LGR4: variants seen among roughly 807,000 people sequenced by gnomAD.
LGR4 encodes leucine-rich repeat-containing G protein-coupled receptor 4.
Under a neutral mutation model 84.8 loss-of-function variants are expected in LGR4, and 44 were observed. That is an observed-to-expected ratio of 0.52 (90% CI 0.41 to 0.67). The LOEUF (loss-of-function observed/expected upper bound fraction) is 0.67. LGR4 is among the 30% of genes least tolerant of loss of function. LGR4 has a pLI of 0.00. For synonymous variants in LGR4, 429 were observed against 434.3 expected, an observed-to-expected ratio of 0.99 and a Z score of 0.15; for missense variants, 1,032 against 1,131.4, an observed-to-expected ratio of 0.91 and a Z score of 1.26.
Position 27,375,297 on chromosome 11 carries a change from C to CAAA in LGR4, c.1181+999_1181+1001dup, listed in dbSNP as rs5790647. ...GCGACAAGAGTGAGAGACCCTGTCTCAAAAAAAAAAAAAAAAGAAAAAGAA... is the reference window on the plus strand; with the variant it reads ...GCGACAAGAGTGAGAGACCCTGTCTCAAAAAAAAAAAAAAAAAAAGAAAAAGAA... On this transcript the variant is annotated intron_variant, in intron 13 of 17. Coordinates refer to ENST00000379214, the MANE Select transcript of LGR4 (RefSeq NM_018490.5). Among the ~76,000 whole-genome samples, 7 of 118,112 alleles carry CAAA rather than the reference C, an allele frequency of 5.9e-5. No homozygotes were observed. The East Asian group carries it at 1.0e-3, about 17-fold the overall frequency. The allele number at this position is 118,112 out of a possible 152,430, so 77.5% of individuals were successfully genotyped here.
intron 7 of LGR4, among the ~76,000 whole-genome samples, 176 bp from the exon 8 acceptor site, chr11:27,381,142 C>T (rs926822793): frequency 7.9e-5 from 12 of 152,016 alleles, no homozygotes; most frequent in African/African-American, 2.7e-4. Context: ...CAGTATCATA[C>T]CTAATTCTTT....
Position 27,472,138 on chromosome 11 carries a change from G to GAGCC in LGR4, c.161_164dup (p.Ser56AlafsTer24). The stretch of plus-strand genomic sequence containing the variant: ...CTCACAGCGCTTGGGTGAAGGCGCT[G>GAGCC]AGCCCCTCGGGCACGGCCGTCAGCC... On this transcript the variant is annotated frameshift_variant, in exon 1 of 18. Transcript: ENST00000379214. LOFTEE classifies it high-confidence loss of function. 1 of 1,375,640 alleles carries GAGCC rather than the reference G, an allele frequency of 7.3e-7. No homozygotes were observed. Among genetic ancestry groups the GAGCC allele is most frequent in the Non-Finnish European group, 9.4e-7 (1 of 1,063,342 alleles). 85.2% of individuals were successfully genotyped at this position (1,375,640 alleles called of 1,614,324 possible). A position where few individuals can be genotyped will look rare whatever the true frequency, so the allele number is the denominator to read the frequency against.
intron 12 of LGR4, 76 bp from the exon 13 acceptor site, chr11:27,376,446 G>C: frequency 1.5e-6 from 1 of 683,564 alleles, no homozygotes; most frequent in Non-Finnish European, 2.4e-6. Flanking sequence ...AAAGAGAAAG[G>C]GATAGAGAAA....
chr11:27,410,442 C>T (rs919146153), intron 2 of LGR4, among the ~76,000 whole-genome samples: 15 of 152,046 alleles, frequency 9.9e-5, no homozygotes, highest in African/African-American at 2.7e-4. Flanking sequence ...TGGAAAAACC[C>T]TCAGCAAATA....
At chr11:27,441,792 A>C (rs1352473731) in intron 1 of LGR4, among the ~76,000 whole-genome samples, 2 of 152,188 alleles carry the variant, frequency 1.3e-5, no homozygotes, top group Non-Finnish European at 2.9e-5. Context: ...GAGAGGCAAA[A>C]GTGTCAAAAG....
rs377336586 is a variant in LGR4 at position 27,418,060 on chromosome 11, T to C, written c.186-5200A>G. Among the ~76,000 whole-genome samples the C allele has an allele frequency of 5.3e-5, 8 of 152,318 alleles. No homozygotes were observed. In the South Asian group the frequency reaches 1.5e-3, roughly 28 times the overall value. ...CCATTGAACAAATATTTACAAAATA[T>C]CCATTATGCACATATGTGCAAGGTA... is the stretch of plus-strand genomic sequence containing the variant. On this transcript the variant is annotated intron_variant, in intron 1 of 17. Coordinates refer to ENST00000379214, the MANE Select transcript of LGR4 (RefSeq NM_018490.5).
chr11:27,424,298 G>A (rs539073151), intron 1 of LGR4, among the ~76,000 whole-genome samples: 1 of 152,246 alleles, frequency 6.6e-6, no homozygotes, highest in East Asian at 1.9e-4. Flanking sequence ...CCAGTACTTT[G>A]GGAGGCCGAG....
intron 1 of LGR4, among the ~76,000 whole-genome samples, chr11:27,464,802 C>T (rs1405718675): frequency 1.3e-5 from 2 of 152,136 alleles, no homozygotes; most frequent in Non-Finnish European, 2.9e-5. Flanking sequence ...TCGGGTTCTA[C>T]ACTCTGATTC....
chr11:27,446,110 G>C (rs571765690), intron 1 of LGR4, among the ~76,000 whole-genome samples: 22 of 152,312 alleles, frequency 1.4e-4, no homozygotes, highest in Admixed American at 9.8e-4. Flanking sequence ...CCTGCCTATA[G>C]AGAGCTTAAA....
intron 2 of LGR4, among the ~76,000 whole-genome samples, chr11:27,408,904 A>T (rs1228496159): frequency 6.6e-6 from 1 of 152,120 alleles, no homozygotes; most frequent in Non-Finnish European, 1.5e-5. Flanking sequence ...AAAGAATAGG[A>T]AAGTAAAGTG....
Position 27,393,538 on chromosome 11 carries a change from T to C in LGR4, c.258-1020A>G, listed in dbSNP as rs185066459. Among the ~76,000 whole-genome samples, 502 of 152,174 alleles carry C rather than the reference T, an allele frequency of 3.3e-3. 1 individual carries two copies. The highest frequency in any genetic ancestry group is 5.7e-3 in the Non-Finnish European group (391 of 68,014). On this transcript the variant is annotated intron_variant, in intron 2 of 17. Coordinates refer to ENST00000379214, the MANE Select transcript of LGR4 (RefSeq NM_018490.5). ...CTCTGTTAAAATTTATAATTAAATT[T>C]TTTAATTTAAAAAATATATAAAACT...
intron 1 of LGR4, among the ~76,000 whole-genome samples, chr11:27,439,285 C>A (rs1271870749): frequency 6.6e-6 from 1 of 152,182 alleles, no homozygotes; most frequent in African/African-American, 2.4e-5. Flanking sequence ...ATTTTGACTA[C>A]TCTAAGTACC....
chr11:27,409,340 C>CA (rs2133394741), intron 2 of LGR4, among the ~76,000 whole-genome samples: 2 of 152,200 alleles, frequency 1.3e-5, no homozygotes, highest in South Asian at 4.2e-4. Context: ...TCATGAACTC[C>CA]AATAAGGCCC....
rs1862793231 is a variant in LGR4 at position 27,367,710 on chromosome 11, A to C, written c.*157T>G. 5.4e-6 allele frequency: 3 copies of C among 557,878 alleles called. No individual in the cohort carries two copies. The highest frequency in any genetic ancestry group is 9.3e-6 in the Non-Finnish European group (3 of 322,116). 34.6% of individuals were successfully genotyped at this position (557,878 alleles called of 1,614,324 possible). A position where few individuals can be genotyped will look rare whatever the true frequency, so the allele number is the denominator to read the frequency against. On this transcript the variant is annotated 3_prime_UTR_variant, in exon 18 of 18. Transcript: ENST00000379214. ...TATAATTTAGGCACCTGTTCTTTGA[A>C]AATGACTGGTTTGAGAAATAAACTG...
intron 2 of LGR4, among the ~76,000 whole-genome samples, chr11:27,405,810 A>G (rs773555722): frequency 6.6e-6 from 1 of 151,962 alleles, no homozygotes; most frequent in Non-Finnish European, 1.5e-5. Context: ...GATTCTCATA[A>G]TTCTCACCTA....
At chr11:27,374,382 C>T (rs771904571) in intron 13 of LGR4, among the ~76,000 whole-genome samples, 2 of 152,116 alleles carry the variant, frequency 1.3e-5, no homozygotes, top group African/African-American at 2.4e-5. Context: ...AGGAAAAGCT[C>T]AGTTTCTGAA....
intron 2 of LGR4, among the ~76,000 whole-genome samples, chr11:27,403,885 G>C (rs1490251217): frequency 1.3e-5 from 2 of 152,002 alleles, no homozygotes; most frequent in Non-Finnish European, 2.9e-5. Flanking sequence ...AAATATTCTA[G>C]CATCTCTAAA....
rs775713650 is a variant in LGR4 at position 27,373,672 on chromosome 11, C to T, written c.1258G>A (p.Val420Ile). 5 of 1,570,904 alleles carry T rather than the reference C, an allele frequency of 3.2e-6. No individual in the cohort carries two copies. The South Asian group carries it at 6.0e-5, about 19-fold the overall frequency. Residue 420 changes from valine to isoleucine, a missense_variant, in exon 15 of 18, where the codon GTA becomes ATA. By Grantham distance (29) the Val-to-Ile change is conservative (BLOSUM62 3). Coordinates refer to ENST00000379214, the MANE Select transcript of LGR4 (RefSeq NM_018490.5). ...AAGGAAGTTAATTCATTGAAACTTACATCTCTAAAATATGAATGAGACTTC... is the reference window on the plus strand; with the variant it reads ...AAGGAAGTTAATTCATTGAAACTTATATCTCTAAAATATGAATGAGACTTC... Reference protein sequence around the residue: ...ATLGPITNLDVSFNELTSFPT... With the variant: ...ATLGPITNLDISFNELTSFPT...
intron 4 of LGR4, among the ~76,000 whole-genome samples, chr11:27,389,847 T>C (rs1300901584): frequency 6.6e-6 from 1 of 152,136 alleles, no homozygotes; most frequent in Non-Finnish European, 1.5e-5. Context: ...TCCCATTGAT[T>C]CATTTTAAGA....
Sources: allele counts gnomAD v4.1 joint callset (sites outside exome capture counted in the v4.1 genomes callset), GRCh38; gene constraint gnomAD v4.1.1; transcripts MANE v1.5; gene names NCBI Gene and HGNC (gene_info 2026-07-23, HGNC 2026-07-21).